ITGA4: variants seen among roughly 807,000 people sequenced by gnomAD.
The protein encoded by ITGA4 is integrin subunit alpha 4, also known as integrin alpha-4.
Under a neutral mutation model 133.6 loss-of-function variants are expected in ITGA4, and 63 were observed. The ratio of observed to expected loss-of-function variants is 0.47; its 90% CI spans 0.38 to 0.58. ITGA4 has a LOEUF of 0.58. ITGA4 is among the 20% of genes least tolerant of loss of function. The pLI is 0.00. For synonymous variants in ITGA4, 483 were observed against 438.0 expected (o/e 1.10, Z -1.28); for missense variants, 1,076 against 1,252.7 (o/e 0.86, Z 2.13).
chr2:181,494,210 A>G (rs1483248695), intron 11 of ITGA4, among the ~76,000 whole-genome samples: 1 of 152,246 alleles, frequency 6.6e-6, no homozygotes, highest in East Asian at 1.9e-4. Flanking sequence ...GCTTTTATCA[A>G]AAGCCTCAGT....
Position 181,457,640 on chromosome 2 carries a change from C to G in ITGA4, c.-15C>G. The stretch of plus-strand genomic sequence containing the variant: ...TAGTGGCCGTTTAGTGTTGAATGTT[C>G]CCCACCGAGAGCGCATGGCTTGGGA... On this transcript the variant is annotated 5_prime_UTR_variant, in exon 1 of 28. Coordinates refer to ENST00000397033, the MANE Select transcript of ITGA4 (RefSeq NM_000885.6). The G allele has an allele frequency of 1.2e-6, 2 of 1,603,954 alleles. No individual in the cohort carries two copies. Among genetic ancestry groups the G allele is most frequent in the Non-Finnish European group, 1.7e-6 (2 of 1,177,116 alleles).
At chr2:181,508,326 T>C (rs1280409310) in intron 15 of ITGA4, among the ~76,000 whole-genome samples, 1 of 152,144 alleles carries the variant, frequency 6.6e-6, no homozygotes. Flanking sequence ...GGATTGTGAA[T>C]GGGTTACAAT....
chr2:181,516,034 A>G lies in ITGA4; in HGVS notation c.1922+4259A>G, dbSNP rs1056916470. 2.0e-5 allele frequency among the ~76,000 whole-genome samples: 3 copies of G among 152,052 alleles called. No homozygotes were observed. Among genetic ancestry groups the G allele is most frequent in the Non-Finnish European group, 4.4e-5 (3 of 67,996 alleles). ...CTCTTAAGTTGAGGCTTCCTCCTGT[A>G]TGTCTAAATGCTTAGGACAATAAAC... On this transcript the variant is annotated intron_variant, in intron 17 of 27. Transcript: ENST00000397033. This position sits in a 1 kb window ranked among gnomAD's most constrained non-coding sequence, Gnocchi z 4.0.
At chr2:181,501,525 A>G (rs1015391244) in intron 15 of ITGA4, among the ~76,000 whole-genome samples, 4 of 152,200 alleles carry the variant, frequency 2.6e-5, no homozygotes, top group Non-Finnish European at 5.9e-5. Flanking sequence ...GGAGATCAAG[A>G]TTCGACACAT....
At chr2:181,457,920 C>T in intron 1 of ITGA4, 69 bp downstream of exon 1, 1 of 1,409,156 alleles carries the variant, frequency 7.1e-7, no homozygotes, top group South Asian at 1.4e-5. Flanking sequence ...CTAGGGATTC[C>T]CTGCCCGATT....
chr2:181,469,286 A>G (rs1685490999), intron 2 of ITGA4, among the ~76,000 whole-genome samples: 1 of 152,228 alleles, frequency 6.6e-6, no homozygotes, highest in Non-Finnish European at 1.5e-5. Flanking sequence ...AGGTTTTTAA[A>G]TAATACAAGA....
At chr2:181,475,554 C>G (rs926006353) in intron 4 of ITGA4, among the ~76,000 whole-genome samples, 1 of 152,084 alleles carries the variant, frequency 6.6e-6, no homozygotes, top group African/African-American at 2.4e-5. Flanking sequence ...AATTTACTTT[C>G]AATTTGGTAT....
At chr2:181,478,703 TG>T in intron 4 of ITGA4, 53 bp from the exon 5 acceptor site, 1 of 751,434 alleles carries the variant, frequency 1.3e-6, no homozygotes. Flanking sequence ...AAACAAATTA[TG>T]GAGATTTTAT....
intron 15 of ITGA4, among the ~76,000 whole-genome samples, chr2:181,507,318 T>C (rs1341238294): frequency 6.6e-6 from 1 of 152,138 alleles, no homozygotes; most frequent in Non-Finnish European, 1.5e-5. Flanking sequence ...ATTTTATAGA[T>C]TTCTCATCGA....
In ITGA4 at chr2:181,535,634, CTCATGATCTTGTGACATA is replaced by C. The variant is rs1687053366; in HGVS notation, c.*109_*126del. On this transcript the variant is annotated 3_prime_UTR_variant, in exon 28 of 28. Coordinates refer to ENST00000397033, the MANE Select transcript of ITGA4 (RefSeq NM_000885.6). ...ATGAATTTTGTTTGGACTTCTTTTA[CTCATGATCTTGTGACATA>C]TTATGTCTTCATGCAAGGGGAAAAT... The C allele has an allele frequency of 1.4e-6, 2 of 1,391,116 alleles. No homozygotes were observed. Among genetic ancestry groups the C allele is most frequent in the East Asian group, 4.7e-5 (2 of 42,166 alleles). The allele number at this position is 1,391,116 out of a possible 1,614,324, so 86.2% of individuals were successfully genotyped here. A position where few individuals can be genotyped will look rare whatever the true frequency, so the allele number is the denominator to read the frequency against.
At chr2:181,468,560 A>G in intron 2 of ITGA4, among the ~76,000 whole-genome samples, 1 of 152,194 alleles carries the variant, frequency 6.6e-6, no homozygotes, top group African/African-American at 2.4e-5. Context: ...CTAATCTCCC[A>G]TAGTCCCTGT....
At chr2:181,534,144 A>C in intron 25 of ITGA4, 128 bp from the exon 26 acceptor site, 1 of 603,358 alleles carries the variant, frequency 1.7e-6, no homozygotes, top group South Asian at 2.3e-5. Context: ...CACTGCAGTT[A>C]ATTTTAAGTG....
Position 181,509,162 on chromosome 2 carries a change from A to T in ITGA4, c.1696-496A>T, listed in dbSNP as rs1297350562. Among the ~76,000 whole-genome samples the T allele has an allele frequency of 1.1e-4, 16 of 145,188 alleles. 1 individual carries two copies. The highest frequency in any genetic ancestry group is 4.0e-4 in the African/African-American group (16 of 39,740). ...AAAAAAAAAAAAAAAAAAAAAAAAA[A>T]AAAAAAAAAAAAAAAAAAAACTAAA... On this transcript the variant is annotated intron_variant, in intron 15 of 27. Coordinates refer to ENST00000397033, the MANE Select transcript of ITGA4 (RefSeq NM_000885.6).
At chr2:181,530,198 TG>T (rs1215480806) in intron 23 of ITGA4, among the ~76,000 whole-genome samples, 1 of 152,236 alleles carries the variant, frequency 6.6e-6, no homozygotes, top group African/African-American at 2.4e-5. Flanking sequence ...GAGAAGAATA[TG>T]GTGTTATATT....
intron 14 of ITGA4, among the ~76,000 whole-genome samples, chr2:181,496,501 A>G (rs1222656378): frequency 6.6e-6 from 1 of 152,186 alleles, no homozygotes; most frequent in Non-Finnish European, 1.5e-5. Flanking sequence ...TATAAATAAT[A>G]TGCTTGTTAA....
chr2:181,511,331 C>T (rs1964511), intron 16 of ITGA4, among the ~76,000 whole-genome samples: 38,183 of 151,802 alleles, frequency 0.25, 5,226 homozygotes, highest in Non-Finnish European at 0.31. Context: ...CATACTTACA[C>T]GTAATAAATG....
intron 2 of ITGA4, among the ~76,000 whole-genome samples, chr2:181,470,832 G>A (rs944271563): frequency 2.0e-5 from 3 of 152,100 alleles, no homozygotes; most frequent in African/African-American, 7.2e-5. Context: ...CTATGATCAC[G>A]CCAATGCACT....
intron 2 of ITGA4, among the ~76,000 whole-genome samples, chr2:181,460,368 C>A (rs925758482): frequency 6.6e-6 from 1 of 152,168 alleles, no homozygotes; most frequent in Non-Finnish European, 1.5e-5. Context: ...GAAACTGCCT[C>A]TCTATTCAGA....
Position 181,536,473 on chromosome 2 carries a change from T to A in ITGA4, c.*946T>A, listed in dbSNP as rs894661042. On this transcript the variant is annotated 3_prime_UTR_variant, in exon 28 of 28. Coordinates refer to ENST00000397033, the MANE Select transcript of ITGA4 (RefSeq NM_000885.6). ...CAAAGACTAGGGGGCCTATACTTCA[T>A]ATGTATTATGTACTATGTAAAATAT... Among the ~76,000 whole-genome samples, 2 of 152,120 alleles carry A rather than the reference T, an allele frequency of 1.3e-5. No individual in the cohort carries two copies. Among genetic ancestry groups the A allele is most frequent in the Non-Finnish European group, 2.9e-5 (2 of 67,990 alleles).
Sources: allele counts gnomAD v4.1 joint callset (sites outside exome capture counted in the v4.1 genomes callset), GRCh38; gene constraint gnomAD v4.1.1; non-coding constraint Gnocchi (gnomAD v3.1); transcripts MANE v1.5; gene names NCBI Gene and HGNC (gene_info 2026-07-23, HGNC 2026-07-21).